The following CDC45 variants were observed in gnomAD, a reference collection of about 807,000 sequenced individuals.
CDC45 encodes cell division control protein 45 homolog.
A neutral mutation model predicts 77.8 loss-of-function variants in CDC45; 54 were observed. The observed-to-expected ratio is 0.69, with a 90% CI of 0.56 to 0.87. CDC45 has a LOEUF of 0.87. CDC45 is among the 40% of genes least tolerant of loss of function. The probability of loss-of-function intolerance (pLI) is 0.00; values close to 1 mark genes in which losing one functional copy is unlikely to be tolerated. For synonymous variants in CDC45, 260 were observed against 272.1 expected, an observed-to-expected ratio of 0.96 and a Z score of 0.44; for missense variants, 649 against 721.6, an observed-to-expected ratio of 0.90 and a Z score of 1.15.
intron 5 of CDC45, 90 bp from the exon 6 acceptor site, chr22:19,494,237 G>T: frequency 1.7e-6 from 2 of 1,161,386 alleles, no homozygotes; most frequent in South Asian, 2.6e-5. Flanking sequence ...TGGGCCTACT[G>T]ACTTCTGCCA....
chr22:19,506,032 A>G (rs1158487616), intron 10 of CDC45, among the ~76,000 whole-genome samples: 1 of 152,190 alleles, frequency 6.6e-6, no homozygotes, highest in African/African-American at 2.4e-5. Context: ...AGTTTGAGTC[A>G]GGGTTTTTAA....
chr22:19,510,614 C>T (rs1275970072), intron 13 of CDC45, among the ~76,000 whole-genome samples: 1 of 152,088 alleles, frequency 6.6e-6, no homozygotes, highest in African/African-American at 2.4e-5. Context: ...CTGCAACCTT[C>T]GCCTCCTGGG....
At position 19,493,127 on chromosome 22, in the gene CDC45, G is replaced by C. The variant is rs111949964; in HGVS notation, c.487-1200G>C. ...TGCTGGGGTGGATATGGATGTTCTT[G>C]GTGGTGTTGGCTAGAGTAGATGGGC... is the stretch of plus-strand genomic sequence containing the variant. On this transcript the variant is annotated intron_variant, in intron 5 of 18. Transcript: ENST00000263201. Among the ~76,000 whole-genome samples, 40 of 152,304 alleles carry C rather than the reference G, an allele frequency of 2.6e-4. No individual in the cohort carries two copies. In the East Asian group the frequency reaches 4.6e-3, roughly 18 times the overall value.
At chr22:19,512,819 G>A (rs903452331) in intron 13 of CDC45, among the ~76,000 whole-genome samples, 10 of 152,160 alleles carry the variant, frequency 6.6e-5, no homozygotes, top group African/African-American at 2.4e-4. Context: ...GAATACCTGA[G>A]GCTGAGTAAT....
rs1353340350 is a variant in CDC45 at position 19,516,508 on chromosome 22, G to T, written c.1441-19G>T. The T allele has an allele frequency of 1.2e-6, 2 of 1,601,252 alleles. No homozygotes were observed. The highest frequency in any genetic ancestry group is 1.7e-5 in the Admixed American group (1 of 59,984). The stretch of plus-strand genomic sequence containing the variant: ...GGGGCCCACCATACCCTGACGGAGG[G>T]TGCTCTCCGACTCCATAGACAAAGA... On this transcript the variant is annotated intron_variant, in intron 15 of 18. Transcript: ENST00000263201.
At position 19,480,802 on chromosome 22, in the gene CDC45, T is replaced by C; in HGVS notation, c.112-151T>C. 1.0e-5 allele frequency: 6 copies of C among 581,200 alleles called. No individual in the cohort carries two copies. The South Asian group carries it at 1.4e-4, about 14-fold the overall frequency. The allele number at this position is 581,200 out of a possible 1,614,324, so 36.0% of individuals were successfully genotyped here. A position where few individuals can be genotyped will look rare whatever the true frequency, so the allele number is the denominator to read the frequency against. ...ATGGTATGGTAAACGCTCATATCCC[T>C]AGCACCTAGCTTTTCCCGTAAGCAT... is the stretch of plus-strand genomic sequence containing the variant. On this transcript the variant is annotated intron_variant, in intron 2 of 18. Coordinates refer to ENST00000263201, the MANE Select transcript of CDC45 (RefSeq NM_003504.5).
intron 5 of CDC45, 84 bp downstream of exon 5, chr22:19,484,089 G>A: frequency 7.8e-7 from 1 of 1,287,552 alleles, no homozygotes; most frequent in Non-Finnish European, 1.1e-6. Flanking sequence ...CCAGGCCAAG[G>A]TGTACTGAGG....
chr22:19,513,266 T>C (rs768689547), intron 13 of CDC45, among the ~76,000 whole-genome samples: 30 of 152,250 alleles, frequency 2.0e-4, no homozygotes, highest in Non-Finnish European at 4.0e-4. Flanking sequence ...TTTTCAAGAC[T>C]GATAACAATC....
intron 7 of CDC45, among the ~76,000 whole-genome samples, chr22:19,496,966 C>T (rs955328463): frequency 6.6e-6 from 1 of 152,056 alleles, no homozygotes; most frequent in African/African-American, 2.4e-5. Context: ...TTGAGGACGC[C>T]AGCCAAGCAG....
At chr22:19,492,420 T>C (rs2090167285) in intron 5 of CDC45, among the ~76,000 whole-genome samples, 1 of 152,106 alleles carries the variant, frequency 6.6e-6, no homozygotes, top group African/African-American at 2.4e-5. Context: ...ATATATTTTC[T>C]TTCTTTCTTT....
intron 9 of CDC45, among the ~76,000 whole-genome samples, chr22:19,499,485 G>A (rs1191356647): frequency 6.6e-6 from 1 of 152,132 alleles, no homozygotes; most frequent in Non-Finnish European, 1.5e-5. Context: ...TGGGGGGATG[G>A]GGGAAGACAA....
intron 5 of CDC45, among the ~76,000 whole-genome samples, chr22:19,484,663 C>T (rs918785938): frequency 4.6e-5 from 7 of 152,198 alleles, no homozygotes; most frequent in African/African-American, 1.4e-4. Flanking sequence ...CCGTAATGTT[C>T]TAGGGTCTTC....
chr22:19,497,947 T>C (rs1049812462), intron 8 of CDC45, among the ~76,000 whole-genome samples: 1 of 151,898 alleles, frequency 6.6e-6, no homozygotes. Flanking sequence ...ATCCCAGCAC[T>C]TTGGAAGGTC....
chr22:19,497,280 G>A (rs560958922), intron 7 of CDC45, 106 bp from the exon 8 acceptor site: 8 of 958,750 alleles, frequency 8.3e-6, no homozygotes, highest in Admixed American at 3.5e-5. Flanking sequence ...CCCTCCATCC[G>A]CAGGGGTTTG....
At chr22:19,514,219 T>A (rs982182475) in intron 13 of CDC45, among the ~76,000 whole-genome samples, 9 of 152,220 alleles carry the variant, frequency 5.9e-5, no homozygotes, top group Admixed American at 2.0e-4. Flanking sequence ...GCCATGGGTA[T>A]CTGGGCACAG....
intron 10 of CDC45, 79 bp downstream of exon 10, chr22:19,505,560 G>T: frequency 6.5e-7 from 1 of 1,532,708 alleles, no homozygotes. Context: ...ACCCTCTGTG[G>T]GTTCTGGCCA....
At chr22:19,500,071 C>G (rs1601954168) in intron 9 of CDC45, among the ~76,000 whole-genome samples, 1 of 152,252 alleles carries the variant, frequency 6.6e-6, no homozygotes, top group East Asian at 1.9e-4. Flanking sequence ...GCCCACTGCC[C>G]TGTTGGGCCC....
intron 5 of CDC45, among the ~76,000 whole-genome samples, chr22:19,493,432 T>G (rs920969550): frequency 7.0e-6 from 1 of 143,652 alleles, no homozygotes; most frequent in African/African-American, 2.5e-5. Flanking sequence ...CTTTGTTTTT[T>G]TTTTTTTGTT....
chr22:19,515,453 G>A (rs141768815), intron 15 of CDC45, among the ~76,000 whole-genome samples: 9 of 152,276 alleles, frequency 5.9e-5, no homozygotes, highest in African/African-American at 1.9e-4. Context: ...TTGCGTTGGC[G>A]TGGAACACAC....
Sources: allele counts gnomAD v4.1 joint callset (sites outside exome capture counted in the v4.1 genomes callset), GRCh38; gene constraint gnomAD v4.1.1; transcripts MANE v1.5; gene names NCBI Gene and HGNC (gene_info 2026-07-23, HGNC 2026-07-21).